ADORA2B: variants seen among roughly 807,000 people sequenced by gnomAD.
The protein encoded by ADORA2B is adenosine receptor A2b.
A neutral mutation model predicts 20.8 loss-of-function variants in ADORA2B; 18 were observed. The observed-to-expected ratio is 0.87, with a 90% CI of 0.60 to 1.29. The LOEUF (loss-of-function observed/expected upper bound fraction) is 1.29, where lower values mean the gene tolerates loss of function less well. ADORA2B is among the 50% of genes most tolerant of loss of function. ADORA2B has a pLI of 0.00. For synonymous variants in ADORA2B, 179 were observed against 178.3 expected (o/e 1.00, Z -0.03); for missense variants, 441 against 422.7 (o/e 1.04, Z -0.38).
chr17:15,964,557 C>T (rs796236678), intron 1 of ADORA2B, among the ~76,000 whole-genome samples: 37 of 145,730 alleles, frequency 2.5e-4, no homozygotes, highest in African/African-American at 8.2e-4. Flanking sequence ...TGCAGTGAGC[C>T]GAGATCATGA....
the ADORA2B span, among the ~76,000 whole-genome samples, chr17:15,885,297 A>G: frequency 6.6e-6 from 1 of 152,152 alleles, no homozygotes; most frequent in Non-Finnish European, 1.5e-5. Context: ...TTAAGATTTT[A>G]ACATTTAAAT....
the ADORA2B span, among the ~76,000 whole-genome samples, chr17:15,908,242 C>T: frequency 6.6e-6 from 1 of 152,158 alleles, no homozygotes; most frequent in African/African-American, 2.4e-5. Flanking sequence ...TGTGTGCCAC[C>T]ATGCCTGAGT....
Position 15,949,731 on chromosome 17 carries a change from C to T in ADORA2B, c.335+4148C>T, listed in dbSNP as rs902674414. Among the ~76,000 whole-genome samples the T allele has an allele frequency of 1.4e-4, 21 of 150,858 alleles. No individual in the cohort carries two copies. In the South Asian group the frequency reaches 2.3e-3, roughly 17 times the overall value. On this transcript the variant is annotated intron_variant, in intron 1 of 1. Transcript: ENST00000304222. Reference sequence around the variant, plus strand: ...ACTAAAAATACAAAAATTAGCCGGGCGTGGTGGCACGCGCCTGTAATCCCA... The same window carrying T: ...ACTAAAAATACAAAAATTAGCCGGGTGTGGTGGCACGCGCCTGTAATCCCA...
At chr17:15,853,091 A>G in the ADORA2B span, among the ~76,000 whole-genome samples, 1 of 152,212 alleles carries the variant, frequency 6.6e-6, no homozygotes, top group Admixed American at 6.5e-5. Flanking sequence ...GTAATGAAAG[A>G]GAAAGCATCG....
At chr17:15,957,525 G>A (rs189090482) in intron 1 of ADORA2B, among the ~76,000 whole-genome samples, 45 of 152,258 alleles carry the variant, frequency 3.0e-4, no homozygotes, top group African/African-American at 1.0e-3. Flanking sequence ...AGGAGAAGAA[G>A]ACTCCAGGAT....
At chr17:15,948,197 GC>G (rs56339443) in intron 1 of ADORA2B, among the ~76,000 whole-genome samples, 136,298 of 151,916 alleles carry the variant, frequency 0.9, 62,584 homozygotes, top group Non-Finnish European at 0.99. Context: ...AGAGACCACA[GC>G]CCCCACCTGC....
chr17:15,966,504 C>T (rs993435451), intron 1 of ADORA2B, among the ~76,000 whole-genome samples: 1 of 152,256 alleles, frequency 6.6e-6, no homozygotes. Context: ...AGAGCCAGTG[C>T]AGGAGGAGAC....
the ADORA2B span, among the ~76,000 whole-genome samples, chr17:15,903,709 T>C: frequency 1.4e-3 from 214 of 152,366 alleles, no homozygotes; most frequent in African/African-American, 5.0e-3. Flanking sequence ...AGTTATTCCA[T>C]AAATGATTTG....
the ADORA2B span, among the ~76,000 whole-genome samples, chr17:15,876,442 CTTTTTTCTTTTTT>C: frequency 3.5e-5 from 4 of 115,480 alleles, no homozygotes; most frequent in Non-Finnish European, 6.8e-5. Context: ...TCTTTCTTTT[CTTTTTTCTTTTTT>C]TTTTTTTTTG....
At chr17:15,926,662 G>T in the ADORA2B span, among the ~76,000 whole-genome samples, 2 of 152,224 alleles carry the variant, frequency 1.3e-5, no homozygotes, top group Admixed American at 6.5e-5. Flanking sequence ...AACCTCCCAG[G>T]CCCTATCTGA....
intron 1 of ADORA2B, among the ~76,000 whole-genome samples, chr17:15,973,359 A>G (rs1051988428): frequency 6.6e-6 from 1 of 152,066 alleles, no homozygotes; most frequent in Non-Finnish European, 1.5e-5. Context: ...CATACTGTTT[A>G]TTATTATGTT....
the ADORA2B span, among the ~76,000 whole-genome samples, chr17:15,903,264 G>A: frequency 6.6e-6 from 1 of 152,108 alleles, no homozygotes; most frequent in Non-Finnish European, 1.5e-5. Flanking sequence ...CAAATAAAAG[G>A]CCTAGGTTCA....
At chr17:15,917,510 T>G in the ADORA2B span, among the ~76,000 whole-genome samples, 4 of 152,204 alleles carry the variant, frequency 2.6e-5, no homozygotes, top group Non-Finnish European at 5.9e-5. Flanking sequence ...CGGTGCAGGC[T>G]GGGCTGGGGT....
At chr17:15,859,690 A>G in the ADORA2B span, among the ~76,000 whole-genome samples, 1 of 152,154 alleles carries the variant, frequency 6.6e-6, no homozygotes, top group African/African-American at 2.4e-5. Context: ...ATGCTCCTAT[A>G]GTCCTAGCTA....
chr17:15,907,215 G>T, the ADORA2B span, among the ~76,000 whole-genome samples: 1 of 147,136 alleles, frequency 6.8e-6, no homozygotes, highest in Non-Finnish European at 1.5e-5. Context: ...CTGTGAAAGT[G>T]TTTTTTTTTT....
intron 1 of ADORA2B, among the ~76,000 whole-genome samples, chr17:15,958,453 G>C (rs1969997500): frequency 6.6e-6 from 1 of 152,116 alleles, no homozygotes; most frequent in Non-Finnish European, 1.5e-5. Context: ...TCTTCACATA[G>C]CTGCAATCTT....
At chr17:15,972,252 T>TG (rs1970197054) in intron 1 of ADORA2B, among the ~76,000 whole-genome samples, 1 of 152,118 alleles carries the variant, frequency 6.6e-6, no homozygotes, top group Non-Finnish European at 1.5e-5. Context: ...GAGCCGAGGC[T>TG]GGGGGGTTCT....
At chr17:15,868,604 T>C in the ADORA2B span, among the ~76,000 whole-genome samples, 1 of 114,446 alleles carries the variant, frequency 8.7e-6, no homozygotes, top group African/African-American at 3.2e-5. Context: ...AACCCCGTTC[T>C]CTACTAAAAA....
intron 1 of ADORA2B, among the ~76,000 whole-genome samples, chr17:15,961,156 G>T (rs1970034298): frequency 1.1e-5 from 1 of 93,808 alleles, no homozygotes; most frequent in Non-Finnish European, 2.3e-5. Flanking sequence ...AACAGAGCGA[G>T]ACTCTGTCAA....
Sources: gnomAD v4.1 joint callset for allele counts (sites outside exome capture counted in the v4.1 genomes callset) on GRCh38, gnomAD v4.1.1 for gene constraint, MANE v1.5 for transcripts, NCBI Gene and HGNC (gene_info 2026-07-23, HGNC 2026-07-21) for gene names.